Variants in PCDHGA1 observed in about 807,000 individuals in gnomAD.
PCDHGA1 encodes the protein protocadherin gamma-A1.
A neutral mutation model predicts 58.0 loss-of-function variants in PCDHGA1; 32 were observed. The observed-to-expected ratio is 0.55, with a 90% CI of 0.42 to 0.74. The LOEUF (loss-of-function observed/expected upper bound fraction) is 0.74, where lower values mean the gene tolerates loss of function less well. Ranked by LOEUF, PCDHGA1 falls within the 30% of genes least tolerant of loss-of-function variation. The pLI, the probability that PCDHGA1 is intolerant of heterozygous loss-of-function variation, is 0.00. For synonymous variants in PCDHGA1, 498 were observed against 501.1 expected (o/e 0.99, Z 0.08); for missense variants, 1,205 against 1,182.3 (o/e 1.02, Z -0.28).
chr5:141,348,823 A>G (rs564029612), intron 1 of PCDHGA1, among the ~76,000 whole-genome samples: 20 of 152,344 alleles, frequency 1.3e-4, no homozygotes, highest in African/African-American at 4.1e-4. Context: ...GCTGTTTCGA[A>G]TAGAGTATGA....
chr5:141,418,246 C>T lies in PCDHGA1; in HGVS notation c.2422-76561C>T, dbSNP rs200526306. 4.5e-5 allele frequency: 72 copies of T among 1,614,020 alleles called. No individual in the cohort carries two copies. The African/African-American group carries it at 8.9e-4, about 20-fold the overall frequency. On this transcript the variant is annotated intron_variant, in intron 1 of 3. Coordinates refer to ENST00000517417, the MANE Select transcript of PCDHGA1 (RefSeq NM_018912.3). The stretch of plus-strand genomic sequence containing the variant: ...TGGTGATTGAGGATGTTAATGACCA[C>T]GCCCCTCAATTCCGGAAAGATGAAA...
chr5:141,415,189 A>T (rs575244490), intron 1 of PCDHGA1: 2 of 1,613,840 alleles, frequency 1.2e-6, no homozygotes, highest in Non-Finnish European at 1.7e-6. Context: ...GGCCGACAGC[A>T]TCCCCCAAGT....
chr5:141,432,415 G>A lies in PCDHGA1; in HGVS notation c.2422-62392G>A, dbSNP rs2097498934. The A allele has an allele frequency of 6.2e-7, 1 of 1,614,112 alleles. No homozygotes were observed. The highest frequency in any genetic ancestry group is 1.1e-5 in the South Asian group (1 of 91,092). On this transcript the variant is annotated intron_variant, in intron 1 of 3. Transcript: ENST00000517417. This position sits in a 1 kb window ranked among gnomAD's most constrained non-coding sequence, Gnocchi z 6.0. ...GCAACGTGTCGTTGAGCCTGTTCGT[G>A]CTGGACCAGAACGACAATGCGCCCG... is the stretch of plus-strand genomic sequence containing the variant.
chr5:141,450,253 A>G (rs1025385837), intron 1 of PCDHGA1, among the ~76,000 whole-genome samples: 1 of 152,020 alleles, frequency 6.6e-6, no homozygotes, highest in African/African-American at 2.4e-5. Flanking sequence ...CCTGACCTCA[A>G]GTGATCTGCC....
intron 1 of PCDHGA1, chr5:141,423,443 C>A: frequency 6.2e-7 from 1 of 1,613,998 alleles, no homozygotes; most frequent in Non-Finnish European, 8.5e-7. Flanking sequence ...ATGCCCACGT[C>A]ACATTTTGTA....
rs779193571 is a variant in PCDHGA1, at chr5:141,362,099, C to G, written c.2421+28994C>G. 1.4e-5 allele frequency: 23 copies of G among 1,613,768 alleles called. No individual in the cohort carries two copies. The African/African-American group carries it at 2.9e-4, about 21-fold the overall frequency. ...CGTGATGGAGGACAGCCGCCACTCT[C>G]CGCTACGGCCACGCTGCACCTAATC... On this transcript the variant is annotated intron_variant, in intron 1 of 3. Coordinates refer to ENST00000517417, the MANE Select transcript of PCDHGA1 (RefSeq NM_018912.3).
intron 1 of PCDHGA1, chr5:141,370,517 G>T (rs1766988791): frequency 6.2e-7 from 1 of 1,613,762 alleles, no homozygotes; most frequent in African/African-American, 1.3e-5. Context: ...CCGAGGAGCT[G>T]GACAGGGGCT....
chr5:141,331,954 G>T lies in PCDHGA1; in HGVS notation c.1270G>T (p.Ala424Ser), dbSNP rs771408037. The T allele has an allele frequency of 2.5e-6, 4 of 1,614,102 alleles. No homozygotes were observed. Among genetic ancestry groups the T allele is most frequent in the Admixed American group, 3.3e-5 (2 of 60,028 alleles). ...CTCTGGGTACAACATCACAATAACA[G>T]CAATAGACCAAGGAACTCCAGCTCT... is the stretch of plus-strand genomic sequence containing the variant. ...LISGYNITIT[A>S]IDQGTPALST... is the part of the protein sequence containing the mutation. The change falls in exon 1 of 4, where the codon GCA (alanine) becomes TCA (serine). Residue 424 changes from alanine (A) to serine (S), a missense_variant. Ala to Ser is a moderately conservative substitution (Grantham distance 99, BLOSUM62 1). Transcript: ENST00000517417.
intron 1 of PCDHGA1, among the ~76,000 whole-genome samples, chr5:141,464,454 A>G (rs999305559): frequency 6.6e-6 from 1 of 151,542 alleles, no homozygotes; most frequent in Non-Finnish European, 1.5e-5. Context: ...TGTTGTTGTT[A>G]TTTTTGAAGT....
At position 141,393,564 on chromosome 5, in the gene PCDHGA1, G is replaced by A; in HGVS notation, c.2421+60459G>A. On this transcript the variant is annotated intron_variant, in intron 1 of 3. Coordinates refer to ENST00000517417, the MANE Select transcript of PCDHGA1 (RefSeq NM_018912.3). ...TCCTCACCCGATTTACCGAGTGAAA[G>A]TCCTTGAGAACATGCCCCCAGGCAC... is the stretch of plus-strand genomic sequence containing the variant. 1 of 1,613,932 alleles carries A rather than the reference G, an allele frequency of 6.2e-7. No individual in the cohort carries two copies. Among genetic ancestry groups the A allele is most frequent in the Non-Finnish European group, 8.5e-7 (1 of 1,179,894 alleles).
At chr5:141,455,661 T>TG (rs2098828692) in intron 1 of PCDHGA1, among the ~76,000 whole-genome samples, 1 of 152,024 alleles carries the variant, frequency 6.6e-6, no homozygotes, top group South Asian at 2.1e-4. Context: ...CAGGAACTTG[T>TG]GGGGCAAGGG....
chr5:141,397,491 A>G (rs1462298713), intron 1 of PCDHGA1, among the ~76,000 whole-genome samples: 1 of 152,230 alleles, frequency 6.6e-6, no homozygotes, highest in Non-Finnish European at 1.5e-5. Flanking sequence ...AAATGAACAG[A>G]AGAATGATAA....
intron 1 of PCDHGA1, chr5:141,383,403 G>A: frequency 6.2e-7 from 1 of 1,614,000 alleles, no homozygotes; most frequent in Non-Finnish European, 8.5e-7. Flanking sequence ...ACTCCCTCCA[G>A]AGTTACCAGC....
chr5:141,340,485 T>C, intron 1 of PCDHGA1: 5 of 1,614,154 alleles, frequency 3.1e-6, no homozygotes, highest in Non-Finnish European at 4.2e-6. Flanking sequence ...TCCTCTTACA[T>C]CTCTATCAAC....
Position 141,491,844 on chromosome 5 carries a change from G to A in PCDHGA1, c.2422-2963G>A. On this transcript the variant is annotated intron_variant, in intron 1 of 3. Transcript: ENST00000517417. The surrounding 1 kb of genome is among the most constrained non-coding windows in gnomAD (Gnocchi z 6.9). ...GCTCCACCCGATTCTCGGGATCATT[G>A]GACCGTTTGCGCGAAACCAGAGTGG... 1 of 1,464,184 alleles carries A rather than the reference G, an allele frequency of 6.8e-7. No homozygotes were observed. 90.7% of individuals were successfully genotyped at this position (1,464,184 alleles called of 1,614,324 possible).
At chr5:141,500,315 G>C (rs944076867) in intron 2 of PCDHGA1, among the ~76,000 whole-genome samples, 41 of 151,522 alleles carry the variant, frequency 2.7e-4, no homozygotes, top group African/African-American at 9.5e-4. Flanking sequence ...TTCACGCCAT[G>C]CTCCTGCCTC....
chr5:141,341,185 G>T (rs1348658280), intron 1 of PCDHGA1: 9 of 1,614,110 alleles, frequency 5.6e-6, no homozygotes, highest in South Asian at 5.5e-5. Context: ...TGCAGAGCTC[G>T]CACTTTGTGG....
chr5:141,470,860 T>G (rs2099242265), intron 1 of PCDHGA1, among the ~76,000 whole-genome samples: 1 of 151,788 alleles, frequency 6.6e-6, no homozygotes, highest in South Asian at 2.1e-4. Context: ...GATAAGTTTT[T>G]TGTTTGTTTG....
chr5:141,399,611 T>A, intron 1 of PCDHGA1: 2 of 1,613,930 alleles, frequency 1.2e-6, no homozygotes, highest in Non-Finnish European at 1.7e-6. Flanking sequence ...CTAGAGCCTC[T>A]GGCACTGGCC....
Sources: allele counts gnomAD v4.1 joint callset (sites outside exome capture counted in the v4.1 genomes callset), GRCh38; gene constraint gnomAD v4.1.1; non-coding constraint Gnocchi (gnomAD v3.1); transcripts MANE v1.5; gene names NCBI Gene and HGNC (gene_info 2026-07-23, HGNC 2026-07-21).